Variants in TMEM163 observed in about 807,000 individuals in gnomAD.
The protein encoded by TMEM163 is transmembrane protein 163.
A neutral mutation model predicts 29.3 loss-of-function variants in TMEM163; 17 were observed. That is an observed-to-expected ratio of 0.58 (90% CI 0.40 to 0.87). The LOEUF is 0.87. Ranked by LOEUF, TMEM163 falls within the 40% of genes least tolerant of loss-of-function variation. The pLI, the probability that TMEM163 is intolerant of heterozygous loss-of-function variation, is 0.00. For synonymous variants in TMEM163, 157 were observed against 160.6 expected (o/e 0.98, Z 0.17); for missense variants, 303 against 381.5 (o/e 0.79, Z 1.71).
chr2:134,528,011 G>T (rs1369287934), intron 4 of TMEM163, among the ~76,000 whole-genome samples: 1 of 152,088 alleles, frequency 6.6e-6, no homozygotes, highest in Non-Finnish European at 1.5e-5. Context: ...CTGTCAACTG[G>T]GCAAGGAACA....
At chr2:134,553,109 C>T (rs1680969277) in intron 2 of TMEM163, among the ~76,000 whole-genome samples, 1 of 152,186 alleles carries the variant, frequency 6.6e-6, no homozygotes, top group South Asian at 2.1e-4. Flanking sequence ...AACAAGCATA[C>T]ATGCACCTCC....
intron 1 of TMEM163, among the ~76,000 whole-genome samples, chr2:134,716,583 A>C (rs1306698728): frequency 6.6e-6 from 1 of 152,202 alleles, no homozygotes; most frequent in East Asian, 1.9e-4. Context: ...CCTGAAAGAA[A>C]GCAAGCCAGG....
intron 4 of TMEM163, among the ~76,000 whole-genome samples, chr2:134,517,751 G>A (rs994194699): frequency 6.6e-6 from 1 of 152,142 alleles, no homozygotes; most frequent in African/African-American, 2.4e-5. Context: ...TGGAGCAATG[G>A]GAATTCTGGC....
intron 2 of TMEM163, among the ~76,000 whole-genome samples, chr2:134,705,209 CA>C (rs59533911): frequency 0.05 from 6,565 of 131,722 alleles, 413 homozygotes; most frequent in African/African-American, 0.16. Context: ...GACTCCATCT[CA>C]AAAAAAAAAA....
chr2:134,680,363 T>TA (rs11301598), intron 2 of TMEM163, among the ~76,000 whole-genome samples: 2,320 of 145,090 alleles, frequency 0.016, 22 homozygotes, highest in Middle Eastern at 0.042. Flanking sequence ...ATGAGACCTA[T>TA]AAAAAAAAAA....
chr2:134,651,983 C>T (rs1331380586), intron 2 of TMEM163, among the ~76,000 whole-genome samples: 2 of 126,340 alleles, frequency 1.6e-5, no homozygotes, highest in East Asian at 2.1e-4. Flanking sequence ...TAGTGTGATG[C>T]CTCCAGCTTT....
intron 2 of TMEM163, among the ~76,000 whole-genome samples, chr2:134,669,048 T>TCCTCACC (rs1683934103): frequency 6.6e-6 from 1 of 152,006 alleles, no homozygotes; most frequent in Non-Finnish European, 1.5e-5. Flanking sequence ...ACATCCTCAC[T>TCCTCACC]GCAGAGGCAT....
At chr2:134,475,902 C>T (rs1386013233) in intron 5 of TMEM163, among the ~76,000 whole-genome samples, 2 of 152,140 alleles carry the variant, frequency 1.3e-5, no homozygotes, top group African/African-American at 4.8e-5. Context: ...TAAAATGGTA[C>T]AGTCATTTCG....
Position 134,456,664 on chromosome 2 carries a change from G to A in TMEM163, c.*52C>T, listed in dbSNP as rs1686402719. 2 of 1,594,644 alleles carry A rather than the reference G, an allele frequency of 1.3e-6. No individual in the cohort carries two copies. Among genetic ancestry groups the A allele is most frequent in the Non-Finnish European group, 1.7e-6 (2 of 1,164,264 alleles). The stretch of plus-strand genomic sequence containing the variant: ...GTTCAGTTAAATATTGGCACCCTTT[G>A]CCTATGTGGAAACTCCTCATCTCGA... On this transcript the variant is annotated 3_prime_UTR_variant, in exon 8 of 8. Coordinates refer to ENST00000281924, the MANE Select transcript of TMEM163 (RefSeq NM_030923.5).
chr2:134,463,088 C>T (rs925029204), intron 6 of TMEM163, among the ~76,000 whole-genome samples: 1 of 152,256 alleles, frequency 6.6e-6, no homozygotes. Context: ...ACCCCAAGGG[C>T]TCCTGCCCTT....
intron 4 of TMEM163, among the ~76,000 whole-genome samples, chr2:134,512,793 G>C (rs1679978824): frequency 6.6e-6 from 1 of 152,164 alleles, no homozygotes; most frequent in Non-Finnish European, 1.5e-5. Flanking sequence ...TACAAAGATG[G>C]GAAGCCACAG....
chr2:134,707,865 A>G (rs1182229167), intron 2 of TMEM163, among the ~76,000 whole-genome samples: 1 of 151,644 alleles, frequency 6.6e-6, no homozygotes, highest in Admixed American at 6.6e-5. Flanking sequence ...GGTGTCTGAA[A>G]AAAGGGGGGC....
chr2:134,551,657 G>A (rs1421945492), intron 3 of TMEM163, among the ~76,000 whole-genome samples: 4 of 152,154 alleles, frequency 2.6e-5, no homozygotes, highest in Admixed American at 6.5e-5. Context: ...ACCCCTAGCT[G>A]GCTACAGACT....
intron 2 of TMEM163, among the ~76,000 whole-genome samples, chr2:134,628,249 G>C (rs1682894699): frequency 6.6e-6 from 1 of 152,194 alleles, no homozygotes; most frequent in Admixed American, 6.5e-5. Flanking sequence ...GTTCACAATA[G>C]CAAAATAACA....
At chr2:134,562,712 A>T (rs1377614394) in intron 2 of TMEM163, among the ~76,000 whole-genome samples, 1 of 152,246 alleles carries the variant, frequency 6.6e-6, no homozygotes, top group East Asian at 1.9e-4. Context: ...TTGAAGATTA[A>T]CGTGATCACT....
intron 2 of TMEM163, among the ~76,000 whole-genome samples, chr2:134,626,671 T>C (rs1682859147): frequency 1.3e-5 from 2 of 152,174 alleles, no homozygotes; most frequent in South Asian, 4.1e-4. Flanking sequence ...ATGGACATCA[T>C]TGGGTAGTGA....
chr2:134,589,507 T>A (rs1020673309), intron 2 of TMEM163, among the ~76,000 whole-genome samples: 1 of 152,162 alleles, frequency 6.6e-6, no homozygotes, highest in East Asian at 1.9e-4. Context: ...TATAATGTTT[T>A]AGTATGCTAA....
intron 2 of TMEM163, among the ~76,000 whole-genome samples, chr2:134,583,428 G>A (rs1221207215): frequency 3.3e-5 from 5 of 152,098 alleles, no homozygotes; most frequent in Non-Finnish European, 5.9e-5. Flanking sequence ...AATTTCAGAC[G>A]GCAATCTAAG....
chr2:134,679,231 C>T (rs16830904), intron 2 of TMEM163, among the ~76,000 whole-genome samples: 11,015 of 152,248 alleles, frequency 0.072, 1,340 homozygotes, highest in African/African-American at 0.25. Context: ...TAACAATCAG[C>T]GGAGCCATGC....
Sources: allele counts gnomAD v4.1 joint callset (sites outside exome capture counted in the v4.1 genomes callset), GRCh38; gene constraint gnomAD v4.1.1; transcripts MANE v1.5; gene names NCBI Gene and HGNC (gene_info 2026-07-23, HGNC 2026-07-21).